Variants in OTOG observed in about 807,000 individuals in gnomAD.
The protein encoded by OTOG is otogelin.
Under a neutral mutation model 313.8 loss-of-function variants are expected in OTOG, and 296 were observed. The ratio of observed to expected loss-of-function variants is 0.94; its 90% CI spans 0.86 to 1.04. OTOG has a LOEUF of 1.04. Ranked by LOEUF, OTOG falls within the 50% of genes least tolerant of loss-of-function variation. The pLI, the probability that OTOG is intolerant of heterozygous loss-of-function variation, is 0.00. For missense variants in OTOG, 3,948 were observed against 3,840.1 expected, an observed-to-expected ratio of 1.03 and a Z score of -0.74; for synonymous variants, 1,533 against 1,554.9, an observed-to-expected ratio of 0.99 and a Z score of 0.33.
chr11:17,638,960 C>T (rs11827077), intron 48 of OTOG: 17,132 of 417,070 alleles, frequency 0.041, 1,544 homozygotes, highest in African/African-American at 0.23. Context: ...CAGCCGGGCA[C>T]GGTGATAGGT....
chr11:17,629,310 C>A lies in OTOG; in HGVS notation c.6706C>A (p.Leu2236Met). Residue 2236 changes from leucine to methionine, a missense_variant, in exon 40 of 56, where the codon CTG becomes ATG. Transcript: ENST00000399397. ...AACCAGCAAGGCCCAGGGCCATGGC[C>A]TGTGCGGTGAGGTGGAACCCAGCTT... ...SKTSKAQGHG[L>M]CGICDGDAAN... 2 of 1,549,818 alleles carry A rather than the reference C, an allele frequency of 1.3e-6. No individual in the cohort carries two copies. Among genetic ancestry groups the A allele is most frequent in the Non-Finnish European group, 1.7e-6 (2 of 1,146,762 alleles).
intron 19 of OTOG, 26 bp downstream of exon 19, chr11:17,573,316 G>A: frequency 6.7e-7 from 1 of 1,495,404 alleles, no homozygotes; most frequent in Non-Finnish European, 8.9e-7. Flanking sequence ...ATGTGAGGCT[G>A]AGCTGGAGGA....
At chr11:17,564,612 G>T (rs918702438) in intron 15 of OTOG, among the ~76,000 whole-genome samples, 5 of 152,182 alleles carry the variant, frequency 3.3e-5, no homozygotes. Flanking sequence ...ATGAAGCTGC[G>T]ACTGCACTCC....
Position 17,613,645 on chromosome 11 carries a change from A to G in OTOG, c.6472A>G (p.Met2158Val), listed in dbSNP as rs1462622317. ...HLNWPPFCLV[M>V]LNMTHLAHQV... is the part of the protein sequence containing the mutation. ...GAACTGGCCCCCGTTCTGTCTGGTG[A>G]TGTTGAACATGACTCACTTGGCCCA... Residue 2158 changes from methionine to valine, a missense_variant, in exon 39 of 56, where the codon ATG becomes GTG. Physicochemically the swap from Met to Val is conservative, Grantham distance 21. Transcript: ENST00000399397. 3.2e-6 allele frequency: 5 copies of G among 1,550,590 alleles called. No individual in the cohort carries two copies. The highest frequency in any genetic ancestry group is 4.4e-6 in the Non-Finnish European group (5 of 1,147,038).
intron 13 of OTOG, 97 bp downstream of exon 13, chr11:17,560,914 GCACT>G (rs1852167505): frequency 8.1e-7 from 1 of 1,232,404 alleles, no homozygotes; most frequent in African/African-American, 1.5e-5. Flanking sequence ...TGGCGTCGGG[GCACT>G]CACTCAGTAC....
intron 24 of OTOG, among the ~76,000 whole-genome samples, chr11:17,590,649 C>G (rs1395591780): frequency 6.6e-6 from 1 of 152,218 alleles, no homozygotes; most frequent in African/African-American, 2.4e-5. Flanking sequence ...ACCCCCCATT[C>G]CTAGCAGGAG....
chr11:17,566,142 C>T (rs1852289189), intron 15 of OTOG, among the ~76,000 whole-genome samples: 1 of 152,052 alleles, frequency 6.6e-6, no homozygotes, highest in Admixed American at 6.6e-5. Flanking sequence ...CACCCCACTC[C>T]CCACAGATAC....
chr11:17,548,240 A>G (rs1453150681), intron 3 of OTOG, 28 bp downstream of exon 3: 2 of 1,525,808 alleles, frequency 1.3e-6, no homozygotes, highest in Non-Finnish European at 1.8e-6. Flanking sequence ...AGGGGGCTTC[A>G]TTGAGCAGGA....
At chr11:17,622,561 A>G (rs564907663) in intron 39 of OTOG, among the ~76,000 whole-genome samples, 9 of 151,836 alleles carry the variant, frequency 5.9e-5, no homozygotes, top group South Asian at 2.1e-4. Flanking sequence ...CGTGAGTTCA[A>G]TTGTCTTGGT....
In OTOG at chr11:17,596,139, G is replaced by A. The variant is rs1853098068; in HGVS notation, c.3510G>A (p.Glu1170=). 2 of 1,549,966 alleles carry A rather than the reference G, an allele frequency of 1.3e-6. No homozygotes were observed. Among genetic ancestry groups the A allele is most frequent in the Non-Finnish European group, 1.7e-6 (2 of 1,146,574 alleles). Residue 1170 remains glutamate, a synonymous_variant, in exon 29 of 56, where the codon GAG becomes GAA. Transcript: ENST00000399397. The part of the protein sequence containing the change: ...ECSILLSEVF[E]ICHPVVDVTW... ...GCATCCTGCTCAGTGAGGTGTTTGA[G>A]ATCTGCCACCCTGTGGTGAGTGTAC...
chr11:17,548,061 T>C (rs1851848011), intron 2 of OTOG, 74 bp downstream of exon 2: 3 of 1,370,268 alleles, frequency 2.2e-6, no homozygotes, highest in Admixed American at 5.1e-5. Flanking sequence ...ACCCCAGGGC[T>C]TTAGCACTTA....
Position 17,610,401 on chromosome 11 carries a change from G to T in OTOG, c.5101G>T (p.Gly1701Ter). Residue 1701 changes from glycine (G) to a stop codon, truncating the protein, a stop_gained, in exon 36 of 56, where the codon GGA (glycine) becomes TGA (stop). Coordinates refer to ENST00000399397, the MANE Select transcript of OTOG (RefSeq NM_001292063.2). LOFTEE classifies it high-confidence loss of function. ...SSPSTPLTVAGTAAEQVPVSP... is the reference protein window; with the variant it reads ...SSPSTPLTVA ...TCCCAGCACCCCTCTAACTGTGGCT[G>T]GAACAGCAGCAGAACAGGTTCCTGT... 1 of 1,550,470 alleles carries T rather than the reference G, an allele frequency of 6.4e-7. No homozygotes were observed. The highest frequency in any genetic ancestry group is 8.7e-7 in the Non-Finnish European group (1 of 1,146,916).
At chr11:17,579,893 CTGTA>C (rs1852627243) in intron 23 of OTOG, among the ~76,000 whole-genome samples, 1 of 152,206 alleles carries the variant, frequency 6.6e-6, no homozygotes, top group East Asian at 1.9e-4. Flanking sequence ...CCATTGCGTG[CTGTA>C]TCAAAGGCCC....
At chr11:17,605,319 C>A (rs1853354914) in intron 32 of OTOG, among the ~76,000 whole-genome samples, 1 of 152,160 alleles carries the variant, frequency 6.6e-6, no homozygotes, top group Non-Finnish European at 1.5e-5. Context: ...TCTCTGGGAC[C>A]CTCTCCCTAT....
chr11:17,603,322 A>G (rs1373686456), intron 32 of OTOG, among the ~76,000 whole-genome samples: 1 of 152,290 alleles, frequency 6.6e-6, no homozygotes, highest in East Asian at 1.9e-4. Context: ...AGATCCATGC[A>G]TTCCTGCCTG....
intron 26 of OTOG, 96 bp downstream of exon 26, chr11:17,593,423 G>A: frequency 6.8e-7 from 1 of 1,468,158 alleles, no homozygotes; most frequent in Admixed American, 2.1e-5. Context: ...TACCATAGCA[G>A]TTTCTCTTGG....
chr11:17,551,930 C>G (rs1851943473), intron 3 of OTOG, 70 bp from the exon 4 acceptor site: 2 of 1,409,754 alleles, frequency 1.4e-6, no homozygotes, highest in Admixed American at 3.9e-5. Flanking sequence ...CTGTGGCCAC[C>G]AGGAAGCCTG....
chr11:17,604,190 T>C (rs1853323451), intron 32 of OTOG, among the ~76,000 whole-genome samples: 1 of 152,066 alleles, frequency 6.6e-6, no homozygotes, highest in Admixed American at 6.5e-5. Context: ...AAACAAGAAA[T>C]ACAGAGGATG....
In OTOG at chr11:17,637,662, C is replaced by T. The variant is rs80292203; in HGVS notation, c.7796-789C>T. On this transcript the variant is annotated intron_variant, in intron 47 of 55. Coordinates refer to ENST00000399397, the MANE Select transcript of OTOG (RefSeq NM_001292063.2). The stretch of plus-strand genomic sequence containing the variant: ...GCTGAGTCACAAGAATTGATGTTAA[C>T]GTTGGCCCAGATTAGGGTGATGACC... Among the ~76,000 whole-genome samples the T allele has an allele frequency of 3.2e-3, 482 of 152,236 alleles. 2 individuals carry two copies. Among genetic ancestry groups the T allele is most frequent in the African/African-American group, 0.011 (458 of 41,544 alleles).
Sources: allele counts gnomAD v4.1 joint callset (sites outside exome capture counted in the v4.1 genomes callset), GRCh38; gene constraint gnomAD v4.1.1; transcripts MANE v1.5; gene names NCBI Gene and HGNC (gene_info 2026-07-23, HGNC 2026-07-21).